Variants in EYS observed in about 807,000 individuals in gnomAD.
EYS encodes EGF-like photoreceptor maintenance factor.
A neutral mutation model predicts 282.1 loss-of-function variants in EYS; 250 were observed. That is an observed-to-expected ratio of 0.89 (90% CI 0.80 to 0.98). The LOEUF is 0.98. Ranked by LOEUF, EYS falls within the 50% of genes least tolerant of loss-of-function variation. The pLI is 0.00. For missense variants in EYS, 4,016 were observed against 3,709.0 expected (o/e 1.08, Z -2.15); for synonymous variants, 1,355 against 1,282.9 (o/e 1.06, Z -1.20).
intron 35 of EYS, among the ~76,000 whole-genome samples, chr6:63,869,077 A>G (rs1772737135): frequency 6.6e-6 from 1 of 152,178 alleles, no homozygotes; most frequent in Admixed American, 6.6e-5. Context: ...CATAGTCTAT[A>G]TAATATACCC....
intron 13 of EYS, among the ~76,000 whole-genome samples, chr6:65,013,775 G>A (rs985669150): frequency 6.6e-6 from 1 of 152,174 alleles, no homozygotes; most frequent in Non-Finnish European, 1.5e-5. Flanking sequence ...TAAGATGGAA[G>A]GATCACTTGA....
intron 13 of EYS, among the ~76,000 whole-genome samples, chr6:65,051,464 A>T (rs540159090): frequency 6.6e-6 from 1 of 151,628 alleles, no homozygotes; most frequent in Non-Finnish European, 1.5e-5. Flanking sequence ...GTAGCATTCA[A>T]TGTGATGTTT....
rs151091887 is a variant in EYS, at chr6:65,159,423, C to T, written c.2024-101696G>A. Among the ~76,000 whole-genome samples the T allele has an allele frequency of 2.7e-3, 407 of 150,930 alleles. 2 individuals are homozygous for T. Among genetic ancestry groups the T allele is most frequent in the Non-Finnish European group, 4.7e-3 (319 of 67,200 alleles). On this transcript the variant is annotated intron_variant, in intron 12 of 42. Coordinates refer to ENST00000503581, the MANE Select transcript of EYS (RefSeq NM_001142800.2). ...GTGTTTGCATTTAATAGGCCAATGA[C>T]ATTTTGGCTTAATTTTTGTATCTAT... is the stretch of plus-strand genomic sequence containing the variant.
At chr6:64,384,462 C>T (rs1772847121) in intron 29 of EYS, among the ~76,000 whole-genome samples, 1 of 152,112 alleles carries the variant, frequency 6.6e-6, no homozygotes, top group Non-Finnish European at 1.5e-5. Flanking sequence ...AAGGTAGCAT[C>T]TTTCTAGAAC....
At chr6:64,165,570 T>C (rs921642870) in intron 31 of EYS, among the ~76,000 whole-genome samples, 1 of 152,164 alleles carries the variant, frequency 6.6e-6, no homozygotes, top group Non-Finnish European at 1.5e-5. Context: ...GAAGCATAGA[T>C]TATGTCCTCA....
At chr6:64,067,648 T>G (rs3003691) in intron 32 of EYS, among the ~76,000 whole-genome samples, 17,151 of 152,120 alleles carry the variant, frequency 0.11, 1,923 homozygotes, top group African/African-American at 0.29. Context: ...ATGTCCTACT[T>G]TTACTAATTT....
intron 30 of EYS, among the ~76,000 whole-genome samples, chr6:64,291,144 T>C (rs1287388328): frequency 6.6e-6 from 1 of 151,634 alleles, no homozygotes; most frequent in Non-Finnish European, 1.5e-5. Flanking sequence ...CATCTGTAAA[T>C]ACCAAAAGCA....
chr6:64,524,336 G>T (rs1777849679), intron 26 of EYS, among the ~76,000 whole-genome samples: 2 of 151,558 alleles, frequency 1.3e-5, no homozygotes, highest in African/African-American at 4.8e-5. Context: ...AAATTAAAAT[G>T]TCTTATAAAT....
At chr6:64,428,264 AT>A (rs1272860273) in intron 28 of EYS, among the ~76,000 whole-genome samples, 3 of 152,142 alleles carry the variant, frequency 2.0e-5, no homozygotes, top group East Asian at 3.9e-4. Flanking sequence ...TAGCAAGAAT[AT>A]TTTTTCATCT....
At chr6:65,155,053 A>T (rs1339832978) in intron 12 of EYS, among the ~76,000 whole-genome samples, 3 of 151,594 alleles carry the variant, frequency 2.0e-5, no homozygotes, top group African/African-American at 7.2e-5. Context: ...GGCATGCTAC[A>T]TTTCCCAAGT....
At chr6:64,405,443 A>T (rs1773675198) in intron 28 of EYS, among the ~76,000 whole-genome samples, 1 of 152,172 alleles carries the variant, frequency 6.6e-6, no homozygotes, top group Middle Eastern at 3.4e-3. Flanking sequence ...TTCTCTTACC[A>T]CTCCTATTCA....
chr6:64,930,888 C>T (rs1300258896), intron 15 of EYS, among the ~76,000 whole-genome samples: 1 of 152,070 alleles, frequency 6.6e-6, no homozygotes, highest in African/African-American at 2.4e-5. Flanking sequence ...CCAATAATGG[C>T]CATACAGAGC....
chr6:64,785,103 A>C (rs1773976645), intron 22 of EYS, among the ~76,000 whole-genome samples: 2 of 152,188 alleles, frequency 1.3e-5, no homozygotes, highest in South Asian at 4.1e-4. Context: ...TAAAAAATCA[A>C]ATAAAAATAA....
intron 12 of EYS, among the ~76,000 whole-genome samples, chr6:65,062,197 G>A (rs1345273905): frequency 6.6e-6 from 1 of 151,782 alleles, no homozygotes. Context: ...ACACCACTTG[G>A]ACATATTCTA....
chr6:64,249,064 A>C (rs964746762), intron 30 of EYS, among the ~76,000 whole-genome samples: 2 of 52,948 alleles, frequency 3.8e-5, no homozygotes, highest in Admixed American at 1.9e-4. Context: ...ACCCTGTCTC[A>C]AAAAAAAAAA....
At chr6:65,657,862 T>G (rs2200941) in intron 1 of EYS, among the ~76,000 whole-genome samples, 53,471 of 151,554 alleles carry the variant, frequency 0.35, 11,916 homozygotes, top group Non-Finnish European at 0.49. Context: ...CAAACTTTAT[T>G]GTTGTCTTAT....
chr6:63,825,572 C>T (rs924316780), intron 36 of EYS, among the ~76,000 whole-genome samples: 2 of 152,306 alleles, frequency 1.3e-5, no homozygotes, highest in East Asian at 1.9e-4. Flanking sequence ...TTACAGGAAT[C>T]TATGCCGACA....
intron 6 of EYS, among the ~76,000 whole-genome samples, chr6:65,403,259 G>T (rs1766586858): frequency 6.6e-6 from 1 of 152,032 alleles, no homozygotes; most frequent in Non-Finnish European, 1.5e-5. Context: ...ACAAGTCCAT[G>T]CATCCATGGG....
Position 63,732,516 on chromosome 6 carries a change from T to C in EYS, c.8072-5836A>G, listed in dbSNP as rs187054137. Among the ~76,000 whole-genome samples the C allele has an allele frequency of 3.9e-5, 6 of 152,322 alleles. No homozygotes were observed. The East Asian group carries it at 5.8e-4, about 15-fold the overall frequency. ...TAGTATGACTCAAATGTTTATTTTA[T>C]AGATTAAAATAAAGTCAAGAGAAAA... On this transcript the variant is annotated intron_variant, in intron 41 of 42. Transcript: ENST00000503581.
Sources: gnomAD v4.1 joint callset for allele counts (sites outside exome capture counted in the v4.1 genomes callset) on GRCh38, gnomAD v4.1.1 for gene constraint, MANE v1.5 for transcripts, NCBI Gene and HGNC (gene_info 2026-07-23, HGNC 2026-07-21) for gene names.